Variants in PAPSS2 observed in about 807,000 individuals in gnomAD.
PAPSS2 encodes the protein 3'-phosphoadenosine 5'-phosphosulfate synthase 2, also known as bifunctional 3'-phosphoadenosine 5'-phosphosulfate synthase 2.
Under a neutral mutation model 66.5 loss-of-function variants are expected in PAPSS2, and 61 were observed. The ratio of observed to expected loss-of-function variants is 0.92; its 90% CI spans 0.75 to 1.14. The LOEUF (loss-of-function observed/expected upper bound fraction) is 1.14, where lower values mean the gene tolerates loss of function less well. PAPSS2 is among the 50% of genes most tolerant of loss of function. PAPSS2 has a pLI of 0.00. For missense variants in PAPSS2, 708 were observed against 789.6 expected (o/e 0.90, Z 1.24); for synonymous variants, 289 against 287.5 (o/e 1.01, Z -0.05).
intron 11 of PAPSS2, 102 bp downstream of exon 11, chr10:87,743,743 A>C: frequency 7.4e-7 from 1 of 1,343,772 alleles, no homozygotes; most frequent in Non-Finnish European, 1.1e-6. Flanking sequence ...TTTCCTCATG[A>C]GCAGATTCTG....
chr10:87,679,994 G>A (rs913924745), intron 1 of PAPSS2, among the ~76,000 whole-genome samples: 7 of 147,736 alleles, frequency 4.7e-5, no homozygotes, highest in Non-Finnish European at 7.4e-5. Context: ...GTGCCACTGC[G>A]CTCCAGCCTG....
chr10:87,663,609 C>T (rs1852781972), intron 1 of PAPSS2, among the ~76,000 whole-genome samples: 1 of 152,166 alleles, frequency 6.6e-6, no homozygotes, highest in Admixed American at 6.5e-5. Context: ...CAGGGCACTA[C>T]TGAAATTCAG....
chr10:87,731,360 A>T (rs1473533079), intron 9 of PAPSS2, among the ~76,000 whole-genome samples: 1 of 152,226 alleles, frequency 6.6e-6, no homozygotes, highest in Non-Finnish European at 1.5e-5. Context: ...CTGCTAATTG[A>T]CAGTGCACCT....
At chr10:87,674,289 T>C (rs1852917398) in intron 1 of PAPSS2, among the ~76,000 whole-genome samples, 1 of 152,178 alleles carries the variant, frequency 6.6e-6, no homozygotes, top group African/African-American at 2.4e-5. Context: ...CTCAGCTCTC[T>C]GAGTAGCTGG....
chr10:87,684,262 G>T (rs1853060632), intron 1 of PAPSS2, among the ~76,000 whole-genome samples: 1 of 152,216 alleles, frequency 6.6e-6, no homozygotes. Context: ...GATAATTGTT[G>T]CAGGAATCTC....
chr10:87,744,858 T>G, intron 11 of PAPSS2, 144 bp from the exon 12 acceptor site: 1 of 728,058 alleles, frequency 1.4e-6, no homozygotes, highest in Non-Finnish European at 2.4e-6. Context: ...GCACGGAGTC[T>G]TAGAACCTCA....
At chr10:87,666,822 C>A (rs995547683) in intron 1 of PAPSS2, among the ~76,000 whole-genome samples, 20 of 152,164 alleles carry the variant, frequency 1.3e-4, no homozygotes, top group East Asian at 5.8e-4. Flanking sequence ...GAACTAGGTT[C>A]CTACTTTGCT....
At chr10:87,725,011 T>G (rs1416632544) in intron 8 of PAPSS2, among the ~76,000 whole-genome samples, 4 of 151,966 alleles carry the variant, frequency 2.6e-5, no homozygotes, top group Middle Eastern at 3.4e-3. Flanking sequence ...CTGGCATAAT[T>G]CTCTCCTTTT....
At chr10:87,738,927 C>A (rs1435600550) in intron 9 of PAPSS2, among the ~76,000 whole-genome samples, 1 of 152,104 alleles carries the variant, frequency 6.6e-6, no homozygotes, top group African/African-American at 2.4e-5. Flanking sequence ...TGGATATTAA[C>A]CCCTTATCAG....
chr10:87,708,432 C>T (rs943816623), intron 1 of PAPSS2, among the ~76,000 whole-genome samples: 7 of 152,098 alleles, frequency 4.6e-5, no homozygotes, highest in South Asian at 2.1e-4. Context: ...ATGGGAGCAA[C>T]GGGGATATTA....
chr10:87,666,720 G>T (rs988858509), intron 1 of PAPSS2, among the ~76,000 whole-genome samples: 1 of 152,050 alleles, frequency 6.6e-6, no homozygotes, highest in Non-Finnish European at 1.5e-5. Flanking sequence ...AGGCCGTTTT[G>T]TTGCTCCAGC....
intron 1 of PAPSS2, among the ~76,000 whole-genome samples, chr10:87,676,660 C>T (rs545339971): frequency 1.3e-5 from 2 of 151,762 alleles, no homozygotes; most frequent in African/African-American, 4.8e-5. Context: ...TAATATGTTG[C>T]GTTATATAGC....
At chr10:87,742,106 G>A (rs1010750406) in intron 10 of PAPSS2, among the ~76,000 whole-genome samples, 2 of 151,994 alleles carry the variant, frequency 1.3e-5, no homozygotes, top group Non-Finnish European at 2.9e-5. Flanking sequence ...TCTTCTATTG[G>A]TATGTCTATA....
chr10:87,733,756 A>C (rs529571931), intron 9 of PAPSS2, among the ~76,000 whole-genome samples: 1 of 152,196 alleles, frequency 6.6e-6, no homozygotes, highest in South Asian at 2.1e-4. Flanking sequence ...GAGTTAGATA[A>C]TTGTTTGGAG....
intron 1 of PAPSS2, among the ~76,000 whole-genome samples, chr10:87,705,802 C>T (rs1383605799): frequency 6.6e-6 from 1 of 150,900 alleles, no homozygotes; most frequent in East Asian, 2.0e-4. Context: ...GGCATGATCT[C>T]GGGTCACTGC....
chr10:87,689,520 G>A (rs1488607646), intron 1 of PAPSS2, among the ~76,000 whole-genome samples: 1 of 151,678 alleles, frequency 6.6e-6, no homozygotes, highest in South Asian at 2.1e-4. Context: ...CAAAAAATTA[G>A]CCAGGCGTGG....
intron 1 of PAPSS2, among the ~76,000 whole-genome samples, chr10:87,708,695 G>A (rs1853424609): frequency 6.6e-6 from 1 of 152,086 alleles, no homozygotes; most frequent in Non-Finnish European, 1.5e-5. Flanking sequence ...TACTCTCAAA[G>A]GACCATGATG....
At chr10:87,692,517 G>A (rs1853184388) in intron 1 of PAPSS2, among the ~76,000 whole-genome samples, 1 of 152,334 alleles carries the variant, frequency 6.6e-6, no homozygotes, top group African/African-American at 2.4e-5. Flanking sequence ...CTCTGAGAGA[G>A]AACATTATCT....
chr10:87,704,068 G>C (rs1853352142), intron 1 of PAPSS2: 3 of 488,802 alleles, frequency 6.1e-6, no homozygotes, highest in Non-Finnish European at 1.2e-5. Context: ...CTGCCCCCTT[G>C]CAGTTCAAGT....
Sources: gnomAD v4.1 joint callset for allele counts (sites outside exome capture counted in the v4.1 genomes callset) on GRCh38, gnomAD v4.1.1 for gene constraint, MANE v1.5 for transcripts, NCBI Gene and HGNC (gene_info 2026-07-23, HGNC 2026-07-21) for gene names.